EYS: variants seen among roughly 807,000 people sequenced by gnomAD.
EYS encodes the protein protein eyes shut homolog.
Under a neutral mutation model 282.1 loss-of-function variants are expected in EYS, and 250 were observed. The ratio of observed to expected loss-of-function variants is 0.89; its 90% CI spans 0.80 to 0.98. The LOEUF (loss-of-function observed/expected upper bound fraction) is 0.98. Ranked by LOEUF, EYS falls within the 50% of genes least tolerant of loss-of-function variation. EYS has a pLI of 0.00. For synonymous variants in EYS, 1,355 were observed against 1,282.9 expected (o/e 1.06, Z -1.20); for missense variants, 4,016 against 3,709.0 (o/e 1.08, Z -2.15).
chr6:64,922,050 T>A (rs1487032211), intron 15 of EYS, among the ~76,000 whole-genome samples: 2 of 152,128 alleles, frequency 1.3e-5, no homozygotes, highest in Non-Finnish European at 2.9e-5. Flanking sequence ...GAAAAGACAC[T>A]GGCAGAATTT....
At chr6:64,726,213 C>T (rs1239620097) in intron 22 of EYS, among the ~76,000 whole-genome samples, 1 of 152,096 alleles carries the variant, frequency 6.6e-6, no homozygotes, top group Non-Finnish European at 1.5e-5. Context: ...ACTCTTTCCC[C>T]CACATCACCT....
At chr6:65,287,993 G>A (rs1768417336) in intron 12 of EYS, among the ~76,000 whole-genome samples, 1 of 151,106 alleles carries the variant, frequency 6.6e-6, no homozygotes, top group Admixed American at 6.6e-5. Context: ...TTATTTCCCT[G>A]ATTTCATCAA....
intron 29 of EYS, among the ~76,000 whole-genome samples, chr6:64,341,527 C>T (rs552129719): frequency 4.0e-5 from 6 of 151,682 alleles, no homozygotes; most frequent in South Asian, 2.1e-4. Context: ...GAACAACAGG[C>T]GCTATGGACT....
intron 14 of EYS, among the ~76,000 whole-genome samples, chr6:64,997,198 TAATGATA>T (rs1269932122): frequency 6.6e-6 from 1 of 152,146 alleles, no homozygotes; most frequent in Admixed American, 6.6e-5. Context: ...AAATGTAAGA[TAATGATA>T]ATGAAATACA....
intron 31 of EYS, among the ~76,000 whole-genome samples, chr6:64,126,858 T>C (rs1291050464): frequency 2.0e-5 from 3 of 151,932 alleles, no homozygotes; most frequent in African/African-American, 4.8e-5. Flanking sequence ...CACATATCTA[T>C]ATACATACAT....
At chr6:65,042,177 T>A (rs909074802) in intron 13 of EYS, among the ~76,000 whole-genome samples, 1 of 151,650 alleles carries the variant, frequency 6.6e-6, no homozygotes. Flanking sequence ...AATATGAATA[T>A]AGATCATCAC....
intron 14 of EYS, among the ~76,000 whole-genome samples, chr6:64,963,557 CT>C (rs1769996240): frequency 6.6e-6 from 1 of 152,134 alleles, no homozygotes; most frequent in South Asian, 2.1e-4. Context: ...GAACAGAGAC[CT>C]CATTGATGCA....
chr6:64,865,703 A>C, intron 19 of EYS, among the ~76,000 whole-genome samples: 1 of 152,072 alleles, frequency 6.6e-6, no homozygotes, highest in East Asian at 1.9e-4. Context: ...TTTTTCTGCT[A>C]TCTGGAAAAG....
chr6:63,961,737 C>A (rs1766072841), intron 35 of EYS, among the ~76,000 whole-genome samples: 1 of 152,016 alleles, frequency 6.6e-6, no homozygotes, highest in African/African-American at 2.4e-5. Context: ...ATGGTGGAGC[C>A]CTTGTAACCT....
chr6:64,422,055 AC>A (rs1343133573), intron 28 of EYS, among the ~76,000 whole-genome samples: 1 of 152,158 alleles, frequency 6.6e-6, no homozygotes, highest in Non-Finnish European at 1.5e-5. Flanking sequence ...AATACAAAGG[AC>A]AGCACCTTAC....
chr6:64,941,634 C>T (rs1231840498), intron 15 of EYS, among the ~76,000 whole-genome samples: 2 of 152,024 alleles, frequency 1.3e-5, no homozygotes, highest in East Asian at 1.9e-4. Context: ...TAGAATTCCC[C>T]AGTGTTTATT....
At chr6:65,233,450 C>A (rs747536261) in intron 12 of EYS, among the ~76,000 whole-genome samples, 6 of 152,060 alleles carry the variant, frequency 3.9e-5, no homozygotes, top group Non-Finnish European at 8.8e-5. Flanking sequence ...TATTTTTAAT[C>A]TTTGAGTCTA....
intron 1 of EYS, among the ~76,000 whole-genome samples, chr6:65,649,691 T>A (rs962579836): frequency 3.9e-5 from 6 of 152,194 alleles, no homozygotes; most frequent in Non-Finnish European, 1.5e-5. Flanking sequence ...AGATCAGAAC[T>A]ATTTAGATTG....
chr6:64,617,267 T>A, intron 24 of EYS, 151 bp downstream of exon 24: 1 of 601,236 alleles, frequency 1.7e-6, no homozygotes, highest in Non-Finnish European at 2.9e-6. Context: ...GAAAGAGGAA[T>A]GCCGAGAAAA....
chr6:65,352,914 G>A (rs1489416942), intron 9 of EYS, among the ~76,000 whole-genome samples: 2 of 151,836 alleles, frequency 1.3e-5, no homozygotes, highest in Non-Finnish European at 2.9e-5. Context: ...CTAATATAAT[G>A]TTTTTACAAA....
At chr6:65,295,698 T>A (rs1768641080) in intron 12 of EYS, 165 bp downstream of exon 12, 1 of 629,110 alleles carries the variant, frequency 1.6e-6, no homozygotes, top group Non-Finnish European at 2.6e-6. Flanking sequence ...GAAGCAATCC[T>A]ATTATTCAAG....
intron 36 of EYS, among the ~76,000 whole-genome samples, chr6:63,860,716 T>C (rs1462840011): frequency 2.0e-5 from 3 of 152,186 alleles, no homozygotes; most frequent in Admixed American, 6.5e-5. Flanking sequence ...TTATCCAGGT[T>C]CTATTTTTAT....
chr6:64,907,437 C>T (rs142649248), intron 16 of EYS, among the ~76,000 whole-genome samples: 249 of 152,182 alleles, frequency 1.6e-3, no homozygotes, highest in African/African-American at 5.4e-3. Context: ...AACTCTTTGC[C>T]TTCACTATAT....
chr6:64,121,592 C>G (rs1773591273), intron 31 of EYS, among the ~76,000 whole-genome samples: 1 of 152,184 alleles, frequency 6.6e-6, no homozygotes, highest in Non-Finnish European at 1.5e-5. Context: ...TTTCCATTCA[C>G]TTGTCTATAC....
Sources: allele counts gnomAD v4.1 joint callset (sites outside exome capture counted in the v4.1 genomes callset), GRCh38; gene constraint gnomAD v4.1.1; transcripts MANE v1.5; gene names NCBI Gene and HGNC (gene_info 2026-07-23, HGNC 2026-07-21).